C2CD2: variants seen among roughly 807,000 people sequenced by gnomAD.
The protein encoded by C2CD2 is C2 calcium dependent domain containing 2.
A neutral mutation model predicts 74.3 loss-of-function variants in C2CD2; 43 were observed. The observed-to-expected ratio is 0.58, with a 90% CI of 0.45 to 0.75. The LOEUF (loss-of-function observed/expected upper bound fraction) is 0.75, where lower values mean the gene tolerates loss of function less well. C2CD2 is among the 30% of genes least tolerant of loss of function. C2CD2 has a pLI of 0.00. For missense variants in C2CD2, 801 were observed against 916.3 expected, an observed-to-expected ratio of 0.87 and a Z score of 1.63; for synonymous variants, 422 against 390.7, an observed-to-expected ratio of 1.08 and a Z score of -0.94.
rs1182802089 is a variant in C2CD2 at position 41,914,589 on chromosome 21, G to A, written c.844+9C>T. 17 of 1,612,144 alleles carry A rather than the reference G, an allele frequency of 1.1e-5. No individual in the cohort carries two copies. Among genetic ancestry groups the A allele is most frequent in the South Asian group, 5.5e-5 (5 of 90,840 alleles). Reference sequence around the variant, plus strand: ...CCCTCCAGGCAGGCAGGCTCCCATCGTCACCCACCTGAGGCACCGGGCTCG... The same window carrying A: ...CCCTCCAGGCAGGCAGGCTCCCATCATCACCCACCTGAGGCACCGGGCTCG... On this transcript the variant is annotated intron_variant, in intron 6 of 13. Transcript: ENST00000380486.
chr21:41,894,066 G>A (rs1205239701), intron 13 of C2CD2, among the ~76,000 whole-genome samples: 1 of 152,178 alleles, frequency 6.6e-6, no homozygotes, highest in Non-Finnish European at 1.5e-5. Context: ...GTGCCCGTGT[G>A]CAAATCTTCC....
chr21:41,910,053 C>T (rs191170179), intron 7 of C2CD2, among the ~76,000 whole-genome samples: 4 of 151,134 alleles, frequency 2.6e-5, no homozygotes, highest in African/African-American at 9.7e-5. Flanking sequence ...AGGCTGGTGT[C>T]GAACTCCTGA....
At chr21:41,906,256 CA>C (rs2064960896) in intron 10 of C2CD2, among the ~76,000 whole-genome samples, 1 of 152,220 alleles carries the variant, frequency 6.6e-6, no homozygotes, top group Non-Finnish European at 1.5e-5. Context: ...AGCCTTCTAG[CA>C]AACGATTTTT....
At chr21:41,935,805 T>C (rs764982788) in intron 2 of C2CD2, among the ~76,000 whole-genome samples, 1 of 151,938 alleles carries the variant, frequency 6.6e-6, no homozygotes, top group Non-Finnish European at 1.5e-5. Flanking sequence ...TAAGCCAAGG[T>C]CGCGCTCCAG....
At chr21:41,927,794 T>C (rs746804426) in intron 2 of C2CD2, among the ~76,000 whole-genome samples, 1 of 152,174 alleles carries the variant, frequency 6.6e-6, no homozygotes, top group Non-Finnish European at 1.5e-5. Flanking sequence ...TAAGAAATTC[T>C]CGCAGGGGAT....
At chr21:41,901,924 A>C (rs369731685) in intron 11 of C2CD2, among the ~76,000 whole-genome samples, 175 bp from the exon 12 acceptor site, 189 of 152,330 alleles carry the variant, frequency 1.2e-3, no homozygotes, top group African/African-American at 4.2e-3. Flanking sequence ...TTCTCAATGC[A>C]GCTTTTATAG....
In C2CD2 at chr21:41,918,201, C is replaced by T. The variant is rs779613454; in HGVS notation, c.624G>A (p.Met208Ile). Reference sequence around the variant, plus strand: ...TCAAGATGTCCTTGAGAACGTCAGACATCGCACTTGTCTCAGCCACCTGGT... The same window carrying T: ...TCAAGATGTCCTTGAGAACGTCAGATATCGCACTTGTCTCAGCCACCTGGT... ...GEDQVAETSAMSDVLKDILKH... is the reference protein window; with the variant it reads ...GEDQVAETSAISDVLKDILKH... The change falls in exon 5 of 14, where the codon ATG (methionine) becomes ATA (isoleucine). Residue 208 changes from methionine (M) to isoleucine (I), a missense_variant. Coordinates refer to ENST00000380486, the MANE Select transcript of C2CD2 (RefSeq NM_015500.2). 1.9e-6 allele frequency: 3 copies of T among 1,614,042 alleles called. No homozygotes were observed. Among genetic ancestry groups the T allele is most frequent in the African/African-American group, 1.3e-5 (1 of 74,924 alleles).
rs1282966985 is a variant in C2CD2 at position 41,933,409 on chromosome 21, C to T, written c.378+8738G>A. Among the ~76,000 whole-genome samples, 3 of 152,260 alleles carry T rather than the reference C, an allele frequency of 2.0e-5. No individual in the cohort carries two copies. In the South Asian group the frequency reaches 6.2e-4, roughly 32 times the overall value. On this transcript the variant is annotated intron_variant, in intron 2 of 13. Transcript: ENST00000380486. ...ACCACTGTGAACCCGCTGCCCTACA[C>T]GGCAGTTCTAGGGCTGAACTCACCG...
At position 41,939,998 on chromosome 21, in the gene C2CD2, C is replaced by T. The variant is rs772573309; in HGVS notation, c.378+2149G>A. 3.3e-5 allele frequency among the ~76,000 whole-genome samples: 5 copies of T among 152,186 alleles called. No homozygotes were observed. The highest frequency in any genetic ancestry group is 5.9e-5 in the Non-Finnish European group (4 of 68,038). ...GAATCCGAACATCCCAAATCTGAAA[C>T]GCTCCAAAATCTGAAACTTTTTGAG... is the stretch of plus-strand genomic sequence containing the variant. On this transcript the variant is annotated intron_variant, in intron 2 of 13. Transcript: ENST00000380486. This position sits in a 1 kb window ranked among gnomAD's most constrained non-coding sequence, Gnocchi z 5.5.
intron 1 of C2CD2, among the ~76,000 whole-genome samples, chr21:41,949,626 G>A (rs1396889673): frequency 6.6e-6 from 1 of 152,116 alleles, no homozygotes; most frequent in Non-Finnish European, 1.5e-5. Flanking sequence ...TTGACCCAGC[G>A]ATCCCATTAC....
At chr21:41,896,726 A>AC (rs1274162306) in intron 13 of C2CD2, among the ~76,000 whole-genome samples, 4 of 151,742 alleles carry the variant, frequency 2.6e-5, no homozygotes, top group South Asian at 2.1e-4. Context: ...AAAAAAAAAA[A>AC]AAACAAGCTT....
At position 41,924,849 on chromosome 21, in the gene C2CD2, C is replaced by T. The variant is rs559467974; in HGVS notation, c.379-2764G>A. On this transcript the variant is annotated intron_variant, in intron 2 of 13. Transcript: ENST00000380486. The surrounding 1 kb of genome is among the most constrained non-coding windows in gnomAD (Gnocchi z 4.4). ...AGCAAGAAAGAATTTCATTTTCTTT[C>T]GTATCCAGTTCTGCAGAAAGCTTCC... Among the ~76,000 whole-genome samples the T allele has an allele frequency of 1.4e-3, 208 of 152,292 alleles. No individual in the cohort carries two copies. The highest frequency in any genetic ancestry group is 2.4e-3 in the Non-Finnish European group (160 of 68,018).
At position 41,953,940 on chromosome 21, in the gene C2CD2, C is replaced by G. The variant is rs2065472323; in HGVS notation, c.-292G>C. The G allele has an allele frequency of 6.3e-6, 1 of 158,264 alleles. No homozygotes were observed. Among genetic ancestry groups the G allele is most frequent in the African/African-American group, 2.4e-5 (1 of 41,286 alleles). 9.8% of individuals were successfully genotyped at this position (158,264 alleles called of 1,614,324 possible). On this transcript the variant is annotated 5_prime_UTR_variant, in exon 1 of 14. Coordinates refer to ENST00000380486, the MANE Select transcript of C2CD2 (RefSeq NM_015500.2). ...CTCGGCGTCTGGGAAGTTCCTGGGC[C>G]GCTGCGGGCCGCGCTTCCTCCTGCG...
intron 7 of C2CD2, among the ~76,000 whole-genome samples, chr21:41,910,419 T>G (rs929054503): frequency 6.6e-6 from 1 of 152,152 alleles, no homozygotes; most frequent in Non-Finnish European, 1.5e-5. Flanking sequence ...ATTTGAGAGG[T>G]GTTTTTCATT....
intron 1 of C2CD2, among the ~76,000 whole-genome samples, chr21:41,944,180 T>C (rs917435281): frequency 1.3e-5 from 2 of 152,166 alleles, no homozygotes; most frequent in Non-Finnish European, 2.9e-5. Flanking sequence ...GATGCAGTGT[T>C]TACCCTCTTC....
intron 2 of C2CD2, among the ~76,000 whole-genome samples, chr21:41,933,615 C>A (rs561065262): frequency 6.6e-6 from 1 of 152,362 alleles, no homozygotes; most frequent in Admixed American, 6.5e-5. Context: ...TGGAAAAGGC[C>A]ATGTACACAA....
rs766202785 is a variant in C2CD2, at chr21:41,899,120, G to C, written c.1803C>G (p.Pro601=). Residue 601 remains proline (P), a synonymous_variant, in exon 13 of 14, where the codon CCC becomes CCG. Transcript: ENST00000380486. This position sits in a 1 kb window ranked among gnomAD's most constrained non-coding sequence, Gnocchi z 4.4. Reference sequence around the variant, plus strand: ...AGCTCTCTGACAGCTCATCACCGTCGGGGTCCAGCAGGACCTGGCTGCTCC... The same window carrying C: ...AGCTCTCTGACAGCTCATCACCGTCCGGGTCCAGCAGGACCTGGCTGCTCC... The part of the protein sequence containing the change: ...AAWSSQVLLD[P]DGDELSESSM... 1 of 1,613,854 alleles carries C rather than the reference G, an allele frequency of 6.2e-7. No homozygotes were observed. The highest frequency in any genetic ancestry group is 8.5e-7 in the Non-Finnish European group (1 of 1,179,944).
Position 41,926,474 on chromosome 21 carries a change from A to T in C2CD2, c.379-4389T>A. ...GAAGCACCACGGGGAGGGGAAAACA[A>T]GACTGAAGGCTGAAGAGCAGGCTGA... On this transcript the variant is annotated intron_variant, in intron 2 of 13. Transcript: ENST00000380486. The surrounding 1 kb of genome is among the most constrained non-coding windows in gnomAD (Gnocchi z 8.0). 1 of 873,150 alleles carries T rather than the reference A, an allele frequency of 1.1e-6. No individual in the cohort carries two copies. Among genetic ancestry groups the T allele is most frequent in the Non-Finnish European group, 1.4e-6 (1 of 727,990 alleles). The allele number at this position is 873,150 out of a possible 1,614,324, so 54.1% of individuals were successfully genotyped here.
chr21:41,911,873 A>T (rs889543342), intron 7 of C2CD2, among the ~76,000 whole-genome samples: 4 of 152,082 alleles, frequency 2.6e-5, no homozygotes, highest in African/African-American at 4.8e-5. Flanking sequence ...TAAATTTTTT[A>T]AAACTTTTAG....
Sources: allele counts gnomAD v4.1 joint callset (sites outside exome capture counted in the v4.1 genomes callset), GRCh38; gene constraint gnomAD v4.1.1; non-coding constraint Gnocchi (gnomAD v3.1); transcripts MANE v1.5; gene names NCBI Gene and HGNC (gene_info 2026-07-23, HGNC 2026-07-21).